ACO1: variants seen among roughly 807,000 people sequenced by gnomAD.
The protein encoded by ACO1 is aconitase 1.
In ACO1, 78 loss-of-function variants were observed where a neutral mutation model predicts 105.1. That is an observed-to-expected ratio of 0.74 (90% confidence interval 0.62 to 0.90). The LOEUF (loss-of-function observed/expected upper bound fraction) is 0.90. Among genes scored for constraint, ACO1 ranks in the 40% least tolerant of loss-of-function variants. The probability of loss-of-function intolerance (pLI) is 0.00; values close to 1 mark genes in which losing one functional copy is unlikely to be tolerated. For missense variants in ACO1, 965 were observed against 1,111.1 expected, an observed-to-expected ratio of 0.87 and a Z score of 1.87; for synonymous variants, 364 against 397.4, an observed-to-expected ratio of 0.92 and a Z score of 1.00.
rs1214170253 is a variant in ACO1 at position 32,440,588 on chromosome 9, G to T, written c.2370+1G>T. On this transcript the variant is annotated splice_donor_variant, in intron 19 of 20. Transcript: ENST00000309951. LOFTEE classifies it high-confidence loss of function. Reference sequence around the variant, plus strand: ...GGCAGCTAAGGGCCCTTTCCTGCTGGTGAGTATGAAGTAGACATCCTAGGA... The same window carrying T: ...GGCAGCTAAGGGCCCTTTCCTGCTGTTGAGTATGAAGTAGACATCCTAGGA... 1 of 1,613,642 alleles carries T rather than the reference G, an allele frequency of 6.2e-7. No individual in the cohort carries two copies. Among genetic ancestry groups the T allele is most frequent in the Non-Finnish European group, 8.5e-7 (1 of 1,179,724 alleles).
At chr9:32,404,463 T>A (rs1452619774) in intron 1 of ACO1, among the ~76,000 whole-genome samples, 2 of 152,136 alleles carry the variant, frequency 1.3e-5, no homozygotes, top group East Asian at 3.9e-4. Context: ...TTAGAAAAAA[T>A]TAGTTGCCAA....
chr9:32,417,126 C>T (rs1821867772), intron 4 of ACO1, among the ~76,000 whole-genome samples: 2 of 152,152 alleles, frequency 1.3e-5, no homozygotes, highest in African/African-American at 4.8e-5. Context: ...TGACTAGTGT[C>T]TGTGGTCCTG....
chr9:32,413,878 G>A (rs1038019101), intron 4 of ACO1, among the ~76,000 whole-genome samples: 18 of 152,014 alleles, frequency 1.2e-4, no homozygotes, highest in African/African-American at 4.1e-4. Flanking sequence ...GACTGGGCAC[G>A]GTGGCTCATG....
rs535021455 is a variant in ACO1 at position 32,413,829 on chromosome 9, C to CT, written c.405-4289dup. ...GTGATATTTTACAAAGTTACCTCAC[C>CT]TTTTTTTTTTGTTCCTCCAACAAGA... On this transcript the variant is annotated intron_variant, in intron 4 of 20. Transcript: ENST00000309951. Among the ~76,000 whole-genome samples, 761 of 148,300 alleles carry CT rather than the reference C, an allele frequency of 5.1e-3. 5 individuals are homozygous for CT. The highest frequency in any genetic ancestry group is 0.017 in the African/African-American group (707 of 40,618).
intron 10 of ACO1, 89 bp from the exon 11 acceptor site, chr9:32,425,749 G>C (rs560785479): frequency 8.8e-5 from 78 of 889,216 alleles, no homozygotes; most frequent in Admixed American, 4.5e-4. Flanking sequence ...GAGAACTGTT[G>C]ACTATATGTA....
intron 3 of ACO1, among the ~76,000 whole-genome samples, chr9:32,407,831 G>GT (rs1263218448): frequency 6.6e-6 from 1 of 152,182 alleles, no homozygotes; most frequent in Non-Finnish European, 1.5e-5. Flanking sequence ...CTGATGTGCT[G>GT]TCTGCAGAGG....
In ACO1 at chr9:32,452,946, C is replaced by T. The variant is rs1188020205; in HGVS notation, c.*2835C>T. 2.0e-5 allele frequency: 3 copies of T among 147,694 alleles called. No homozygotes were observed. Among genetic ancestry groups the T allele is most frequent in the African/African-American group, 7.6e-5 (3 of 39,610 alleles). The allele number at this position is 147,694 out of a possible 1,614,324, so 9.1% of individuals were successfully genotyped here. A position where few individuals can be genotyped will look rare whatever the true frequency, so the allele number is the denominator to read the frequency against. ...TCCAGCCTGGGCAATAGAGTGAGAC[C>T]CTATCAATCAATCACCACCCCCCCC... On this transcript the variant is annotated 3_prime_UTR_variant, in exon 21 of 21. Transcript: ENST00000309951.
intron 8 of ACO1, among the ~76,000 whole-genome samples, chr9:32,421,709 G>A (rs1283876488): frequency 2.6e-5 from 4 of 152,110 alleles, no homozygotes; most frequent in African/African-American, 4.8e-5. Context: ...GGCCGATCTC[G>A]CACCACTGCG....
At chr9:32,428,939 A>T (rs1209928106) in intron 12 of ACO1, among the ~76,000 whole-genome samples, 1 of 152,186 alleles carries the variant, frequency 6.6e-6, no homozygotes, top group East Asian at 1.9e-4. Context: ...CAACATCACT[A>T]GGTGATAGGA....
At chr9:32,404,225 A>G (rs1721724146) in intron 1 of ACO1, among the ~76,000 whole-genome samples, 1 of 152,172 alleles carries the variant, frequency 6.6e-6, no homozygotes, top group African/African-American at 2.4e-5. Context: ...ATAGCCTTCA[A>G]TTCTCCATGC....
chr9:32,385,924 CA>C (rs1234646497), intron 1 of ACO1, among the ~76,000 whole-genome samples: 1 of 152,194 alleles, frequency 6.6e-6, no homozygotes, highest in African/African-American at 2.4e-5. Flanking sequence ...TGATTGGGAA[CA>C]CACACCACCT....
chr9:32,408,692 C>A, intron 4 of ACO1, 41 bp downstream of exon 4: 1 of 1,594,874 alleles, frequency 6.3e-7, no homozygotes, highest in Non-Finnish European at 8.5e-7. Context: ...CTGCTTTGTG[C>A]AAAATCTTTG....
chr9:32,452,587 T>A lies in ACO1; in HGVS notation c.*2476T>A, dbSNP rs2118602491. 1 of 152,214 alleles carries A rather than the reference T, an allele frequency of 6.6e-6. No individual in the cohort carries two copies. The highest frequency in any genetic ancestry group is 2.1e-4 in the South Asian group (1 of 4,824). 9.4% of individuals were successfully genotyped at this position (152,214 alleles called of 1,614,324 possible). ...TACAGCAGCCCAACCAAGACTGTGG[T>A]TATGAGGAAACAAACACATTATTGT... On this transcript the variant is annotated 3_prime_UTR_variant, in exon 21 of 21. Coordinates refer to ENST00000309951, the MANE Select transcript of ACO1 (RefSeq NM_002197.3).
chr9:32,443,598 T>G (rs773044464), intron 19 of ACO1, among the ~76,000 whole-genome samples: 1 of 152,182 alleles, frequency 6.6e-6, no homozygotes, highest in Non-Finnish European at 1.5e-5. Flanking sequence ...ATTTCAGAAA[T>G]AGAACTCCAG....
In ACO1 at chr9:32,423,417, C is replaced by T. The variant is rs1822019616; in HGVS notation, c.1069C>T (p.Gln357Ter). Residue 357 changes from glutamine (Q) to a stop codon, truncating the protein, a stop_gained and splice_region_variant, in exon 9 of 21, where the codon CAG becomes TAG. Coordinates refer to ENST00000309951, the MANE Select transcript of ACO1 (RefSeq NM_002197.3). LOFTEE classifies it high-confidence loss of function. ...CCCTTCTCAAGACCCAGACTTCACC[C>T]AGGTATGAGAGTGCCTTCCACTGTG... ...NDPSQDPDFT[Q>*]VVELDLKTVV... 1.3e-6 allele frequency: 2 copies of T among 1,588,944 alleles called. No individual in the cohort carries two copies. Among genetic ancestry groups the T allele is most frequent in the African/African-American group, 1.4e-5 (1 of 73,742 alleles).
chr9:32,444,694 G>A (rs1333499213), intron 19 of ACO1, among the ~76,000 whole-genome samples: 3 of 152,162 alleles, frequency 2.0e-5, no homozygotes, highest in Non-Finnish European at 2.9e-5. Flanking sequence ...CTCTTGTGCC[G>A]GTTTTCAAAT....
At position 32,436,339 on chromosome 9, in the gene ACO1, T is replaced by TA; in HGVS notation, c.2192dup (p.Asn731LysfsTer21). The TA allele has an allele frequency of 1.2e-6, 2 of 1,614,224 alleles. No individual in the cohort carries two copies. Among genetic ancestry groups the TA allele is most frequent in the Non-Finnish European group, 1.7e-6 (2 of 1,180,018 alleles). ...GGAACATTTGCCAACATTCGCTTGTTAAACAGATTTTTGAACAAGCAGGCA... is the reference window on the plus strand; with the variant it reads ...GGAACATTTGCCAACATTCGCTTGTTAAAACAGATTTTTGAACAAGCAGGCA... On this transcript the variant is annotated frameshift_variant, in exon 18 of 21. Transcript: ENST00000309951. LOFTEE classifies it high-confidence loss of function.
At chr9:32,425,186 G>A (rs1402590201) in intron 10 of ACO1, among the ~76,000 whole-genome samples, 1 of 152,114 alleles carries the variant, frequency 6.6e-6, no homozygotes, top group Non-Finnish European at 1.5e-5. Context: ...TATGATTTCT[G>A]TTGCTAGACT....
intron 17 of ACO1, among the ~76,000 whole-genome samples, chr9:32,435,159 C>T (rs1034270225): frequency 1.3e-5 from 2 of 152,066 alleles, no homozygotes. Context: ...ATAGGTATGC[C>T]AGTATTATCA....
Sources: gnomAD v4.1 joint callset for allele counts (sites outside exome capture counted in the v4.1 genomes callset) on GRCh38, gnomAD v4.1.1 for gene constraint, MANE v1.5 for transcripts, NCBI Gene and HGNC (gene_info 2026-07-23, HGNC 2026-07-21) for gene names.